The following SYNJ1 variants were observed in gnomAD, a reference collection of about 807,000 sequenced individuals.
SYNJ1 encodes polyphosphatidylinositol phosphatase SYNJ1.
In SYNJ1, 78 loss-of-function variants were observed where a neutral mutation model predicts 168.2. The observed-to-expected ratio is 0.46, with a 90% CI of 0.39 to 0.56. SYNJ1 has a LOEUF of 0.56. Among genes scored for constraint, SYNJ1 ranks in the 20% least tolerant of loss-of-function variants. The pLI is 0.00. For missense variants in SYNJ1, 1,303 were observed against 1,597.6 expected (o/e 0.82, Z 3.14); for synonymous variants, 539 against 548.6 (o/e 0.98, Z 0.24).
Position 32,656,821 on chromosome 21 carries a change from T to C in SYNJ1, c.2661A>G (p.Ala887=). The change falls in exon 21 of 33, where the codon GCA becomes GCG. Residue 887 remains alanine, a synonymous_variant. Transcript: ENST00000674351. ...ERQNIYKEVI[A]VQGPPDGTVL... The stretch of plus-strand genomic sequence containing the variant: ...CTGTACCATCTGGTGGACCCTGAAC[T>C]GCAATTACTTCTTTATAAATGTTTT... The C allele has an allele frequency of 5.6e-6, 9 of 1,614,202 alleles. No homozygotes were observed. The highest frequency in any genetic ancestry group is 6.8e-6 in the Non-Finnish European group (8 of 1,180,036).
In SYNJ1 at chr21:32,666,416, G is replaced by A. The variant is rs765735379; in HGVS notation, c.1952+17C>T. ...AATGGTAGGAAGTAGCCTTAGAGGA[G>A]TGTTCTGTTTACTGACCTGATAAAA... is the stretch of plus-strand genomic sequence containing the variant. On this transcript the variant is annotated intron_variant, in intron 16 of 32. Transcript: ENST00000674351. 5.6e-6 allele frequency: 9 copies of A among 1,607,816 alleles called. No homozygotes were observed. The highest frequency in any genetic ancestry group is 1.7e-4 in the Middle Eastern group (1 of 6,052).
chr21:32,639,498 C>G (rs753082767), intron 30 of SYNJ1, among the ~76,000 whole-genome samples, 173 bp downstream of exon 30: 6 of 152,080 alleles, frequency 3.9e-5, no homozygotes, highest in African/African-American at 7.2e-5. Flanking sequence ...CTCAAGTGAT[C>G]CTCCCACCTT....
intron 9 of SYNJ1, among the ~76,000 whole-genome samples, chr21:32,684,906 G>A (rs986460533): frequency 2.0e-5 from 3 of 151,590 alleles, no homozygotes; most frequent in African/African-American, 7.2e-5. Flanking sequence ...ACGGCCGGGC[G>A]CGGTGGCTCA....
intron 15 of SYNJ1, among the ~76,000 whole-genome samples, chr21:32,667,972 GAATA>G (rs910383646): frequency 9.3e-5 from 14 of 150,516 alleles, no homozygotes; most frequent in Middle Eastern, 3.4e-3. Flanking sequence ...TTAAATAAAT[GAATA>G]AATATTCACT....
At chr21:32,702,668 A>C (rs1478106044) in intron 2 of SYNJ1, among the ~76,000 whole-genome samples, 1 of 152,230 alleles carries the variant, frequency 6.6e-6, no homozygotes, top group Non-Finnish European at 1.5e-5. Context: ...GGACAAATAC[A>C]AATAATACAT....
intron 15 of SYNJ1, 115 bp from the exon 16 acceptor site, chr21:32,666,688 G>T: frequency 1.9e-6 from 2 of 1,077,974 alleles, no homozygotes; most frequent in Non-Finnish European, 2.5e-6. Context: ...TCTGAAGGAA[G>T]CTTAGGCTGT....
At chr21:32,717,662 G>A (rs1466100707) in intron 2 of SYNJ1, among the ~76,000 whole-genome samples, 1 of 152,180 alleles carries the variant, frequency 6.6e-6, no homozygotes, top group Non-Finnish European at 1.5e-5. Flanking sequence ...AGCCCTGTGT[G>A]AGCTCCAGAA....
intron 9 of SYNJ1, among the ~76,000 whole-genome samples, chr21:32,685,328 T>A (rs926309283): frequency 2.0e-5 from 3 of 150,344 alleles, no homozygotes; most frequent in Non-Finnish European, 4.4e-5. Context: ...GGCTCATGCC[T>A]GTAAACCTAG....
In SYNJ1 at chr21:32,639,070, A is replaced by G; in HGVS notation, c.3753T>C (p.Ser1251=). 1 of 1,614,136 alleles carries G rather than the reference A, an allele frequency of 6.2e-7. No homozygotes were observed. Residue 1251 remains serine, a synonymous_variant, in exon 31 of 33, where the codon TCT becomes TCC. Coordinates refer to ENST00000674351, the MANE Select transcript of SYNJ1 (RefSeq NM_203446.3). ...LKPQAAFPPQ[S]SLPPPAQRLQ... Reference sequence around the variant, plus strand: ...ACCTTTGAGCAGGCGGGGGCAAAGAAGACTGCGGAGGAAAAGCAGCCTGAG... The same window carrying G: ...ACCTTTGAGCAGGCGGGGGCAAAGAGGACTGCGGAGGAAAAGCAGCCTGAG...
chr21:32,695,023 AAATT>A (rs768811779), intron 5 of SYNJ1, 30 bp downstream of exon 5: 46 of 1,558,140 alleles, frequency 3.0e-5, no homozygotes, highest in African/African-American at 2.2e-4. Context: ...CTCCTATAAT[AAATT>A]AATTAAGTAA....
intron 1 of SYNJ1, chr21:32,727,727 A>C: frequency 9.8e-7 from 1 of 1,022,146 alleles, no homozygotes; most frequent in Non-Finnish European, 1.3e-6. Flanking sequence ...GCGGGCTGAC[A>C]GCCGCTGTCA....
At chr21:32,670,925 G>A in intron 14 of SYNJ1, 1 of 591,600 alleles carries the variant, frequency 1.7e-6, no homozygotes, top group Non-Finnish European at 2.1e-6. Context: ...GAAACTACAA[G>A]GACTAACGGA....
rs758953009 is a variant in SYNJ1 at position 32,631,072 on chromosome 21, C to T, written c.*733G>A. Reference sequence around the variant, plus strand: ...AAAGGATCTACTGGAGGGCTGGTGCCGGGCGGGAGCAGAGGGACAGGAGGT... The same window carrying T: ...AAAGGATCTACTGGAGGGCTGGTGCTGGGCGGGAGCAGAGGGACAGGAGGT... On this transcript the variant is annotated 3_prime_UTR_variant, in exon 33 of 33. Transcript: ENST00000674351. 57 of 1,613,988 alleles carry T rather than the reference C, an allele frequency of 3.5e-5. No individual in the cohort carries two copies. In the Middle Eastern group the frequency reaches 4.9e-4, roughly 14 times the overall value.
intron 6 of SYNJ1, among the ~76,000 whole-genome samples, chr21:32,691,276 G>A (rs770554596): frequency 1.3e-5 from 2 of 152,194 alleles, no homozygotes; most frequent in Non-Finnish European, 2.9e-5. Flanking sequence ...ACTTAAAAGT[G>A]TGTAGCACCT....
chr21:32,643,337 G>A (rs1171498543), intron 27 of SYNJ1, 73 bp downstream of exon 27: 2 of 1,473,686 alleles, frequency 1.4e-6, no homozygotes, highest in Non-Finnish European at 1.9e-6. Context: ...AACACTGCGG[G>A]GTGGGGAGGT....
rs844986 is a variant in SYNJ1, at chr21:32,636,357, T to G, written c.3916-1473A>C. On this transcript the variant is annotated intron_variant, in intron 31 of 32. Transcript: ENST00000674351. The stretch of plus-strand genomic sequence containing the variant: ...ATGTTATATAATCACTCGAATTAAA[T>G]GAATCTCTTCTATACAAAATTATAA... 2.0e-5 allele frequency among the ~76,000 whole-genome samples: 3 copies of G among 151,992 alleles called. No homozygotes were observed. The East Asian group carries it at 5.8e-4, about 29-fold the overall frequency.
chr21:32,654,580 C>T (rs1045958253), intron 21 of SYNJ1, among the ~76,000 whole-genome samples: 4 of 152,142 alleles, frequency 2.6e-5, no homozygotes, highest in Non-Finnish European at 4.4e-5. Context: ...TGATAGGTAC[C>T]AACACTTTTG....
Position 32,629,385 on chromosome 21 carries a change from T to G in SYNJ1, c.*2420A>C, listed in dbSNP as rs893582608. On this transcript the variant is annotated 3_prime_UTR_variant, in exon 33 of 33. Coordinates refer to ENST00000674351, the MANE Select transcript of SYNJ1 (RefSeq NM_203446.3). ...AGCACAATATAAAACTCACAAGAGT[T>G]ATTTCTAACAGCAAATCTTGGCTGT... 2 of 152,672 alleles carry G rather than the reference T, an allele frequency of 1.3e-5. No homozygotes were observed. Among genetic ancestry groups the G allele is most frequent in the African/African-American group, 4.8e-5 (2 of 41,468 alleles). The allele number at this position is 152,672 out of a possible 1,614,324, so 9.5% of individuals were successfully genotyped here.
chr21:32,688,174 G>A, intron 7 of SYNJ1, 132 bp downstream of exon 7: 1 of 787,592 alleles, frequency 1.3e-6, no homozygotes, highest in Admixed American at 2.9e-5. Context: ...AGGTGTCACT[G>A]TCTTTCAATT....
Sources: gnomAD v4.1 joint callset for allele counts (sites outside exome capture counted in the v4.1 genomes callset) on GRCh38, gnomAD v4.1.1 for gene constraint, MANE v1.5 for transcripts, NCBI Gene and HGNC (gene_info 2026-07-23, HGNC 2026-07-21) for gene names.